The following UGT2B7 variants were observed in gnomAD, a reference collection of about 807,000 sequenced individuals.
The protein encoded by UGT2B7 is UDP-glucuronosyltransferase 2B7.
Under a neutral mutation model 51.9 loss-of-function variants are expected in UGT2B7, and 51 were observed. That is an observed-to-expected ratio of 0.98 (90% CI 0.78 to 1.24). UGT2B7 has a LOEUF of 1.24. Among genes scored for constraint, UGT2B7 ranks in the 50% most tolerant of loss-of-function variants. UGT2B7 has a pLI of 0.00. For missense variants in UGT2B7, 727 were observed against 628.4 expected (o/e 1.16, Z -1.68); for synonymous variants, 225 against 211.6 (o/e 1.06, Z -0.55).
chr4:69,063,803 T>C (rs1718410024), intron 1 of UGT2B7, among the ~76,000 whole-genome samples: 1 of 152,072 alleles, frequency 6.6e-6, no homozygotes, highest in South Asian at 2.1e-4. Context: ...AAAAGGTTGC[T>C]TAATGTTCCC....
In UGT2B7 at chr4:69,096,627, G is replaced by C; in HGVS notation, c.107G>C (p.Trp36Ser). ...VLVWAAEYSH[W>S]MNIKTILDEL... ...GTGTGGGCAGCAGAATACAGCCATTGGATGAATATAAAGACAATCCTGGAT... is the reference window on the plus strand; with the variant it reads ...GTGTGGGCAGCAGAATACAGCCATTCGATGAATATAAAGACAATCCTGGAT... The change falls in exon 1 of 6, where the codon TGG becomes TCG. Residue 36 changes from tryptophan (W) to serine (S), a missense_variant. Trp to Ser is a radical substitution (Grantham distance 177). Transcript: ENST00000305231. 6.2e-7 allele frequency: 1 copy of C among 1,613,994 alleles called. No homozygotes were observed. The highest frequency in any genetic ancestry group is 1.3e-5 in the African/African-American group (1 of 75,032).
chr4:69,060,987 A>G (rs971255375), intron 1 of UGT2B7, among the ~76,000 whole-genome samples: 4 of 152,180 alleles, frequency 2.6e-5, no homozygotes, highest in Admixed American at 6.5e-5. Context: ...GAGATCTGAC[A>G]GATCGGCCCC....
intron 3 of UGT2B7, among the ~76,000 whole-genome samples, chr4:69,106,562 A>T (rs1719606109): frequency 6.6e-6 from 1 of 152,098 alleles, no homozygotes; most frequent in Non-Finnish European, 1.5e-5. Flanking sequence ...CAATTAATAC[A>T]CCTGTGCATG....
At chr4:69,063,813 C>T (rs1043128817) in intron 1 of UGT2B7, among the ~76,000 whole-genome samples, 6 of 151,996 alleles carry the variant, frequency 3.9e-5, no homozygotes, top group Admixed American at 1.3e-4. Context: ...TTAATGTTCC[C>T]TTGCCTCTTA....
intron 1 of UGT2B7, among the ~76,000 whole-genome samples, chr4:69,071,560 A>C (rs550643185): frequency 2.0e-5 from 3 of 152,250 alleles, no homozygotes; most frequent in East Asian, 1.9e-4. Flanking sequence ...CTTCCATCTG[A>C]CAAGAGATGT....
At chr4:69,110,024 C>G (rs1282572487) in intron 5 of UGT2B7, among the ~76,000 whole-genome samples, 1 of 151,886 alleles carries the variant, frequency 6.6e-6, no homozygotes, top group East Asian at 1.9e-4. Context: ...TATGATTATA[C>G]AAATACTTTC....
At position 69,102,802 on chromosome 4, in the gene UGT2B7, C is replaced by T. The variant is rs1351824602; in HGVS notation, c.871-5C>T. Reference sequence around the variant, plus strand: ...TTTGTGATGAAGCAAATTCTTTCTTCACAGGAAATGGAAGACTTTGTACAG... The same window carrying T: ...TTTGTGATGAAGCAAATTCTTTCTTTACAGGAAATGGAAGACTTTGTACAG... On this transcript the variant is annotated splice_polypyrimidine_tract_variant and splice_region_variant and intron_variant, in intron 2 of 5. Transcript: ENST00000305231. 2 of 1,611,098 alleles carry T rather than the reference C, an allele frequency of 1.2e-6. No homozygotes were observed. Among genetic ancestry groups the T allele is most frequent in the Non-Finnish European group, 8.5e-7 (1 of 1,178,954 alleles).
In UGT2B7 at chr4:69,096,959, G is replaced by A. The variant is rs760454742; in HGVS notation, c.439G>A (p.Val147Ile). 3.7e-5 allele frequency: 60 copies of A among 1,613,440 alleles called. No individual in the cohort carries two copies. In the East Asian group the frequency reaches 6.7e-4, roughly 18 times the overall value. ...AAAAGTACAAGAGTCAAGATTTGACGTCATTTTTGCAGATGCTATTTTTCC... is the reference window on the plus strand; with the variant it reads ...AAAAGTACAAGAGTCAAGATTTGACATCATTTTTGCAGATGCTATTTTTCC... ...MKKVQESRFDVIFADAIFPCS... is the reference protein window; with the variant it reads ...MKKVQESRFDIIFADAIFPCS... The change falls in exon 1 of 6, where the codon GTC (valine) becomes ATC (isoleucine). Residue 147 changes from valine to isoleucine, a missense_variant. By Grantham distance (29) the Val-to-Ile change is conservative. Coordinates refer to ENST00000305231, the MANE Select transcript of UGT2B7 (RefSeq NM_001074.4).
intron 2 of UGT2B7, among the ~76,000 whole-genome samples, chr4:69,100,285 C>T (rs1373322786): frequency 6.6e-6 from 1 of 151,636 alleles, no homozygotes; most frequent in Non-Finnish European, 1.5e-5. Context: ...ATCTGAATGG[C>T]GCCCTTAGTT....
chr4:69,099,257 C>CAAAAAA (rs58121670), intron 2 of UGT2B7, among the ~76,000 whole-genome samples: 4 of 105,710 alleles, frequency 3.8e-5, no homozygotes, highest in Admixed American at 9.5e-5. Context: ...GAGAGACAGA[C>CAAAAAA]AAAAAAAAAA....
intron 2 of UGT2B7, 63 bp downstream of exon 2, chr4:69,098,751 A>T: frequency 6.3e-7 from 1 of 1,592,528 alleles, no homozygotes; most frequent in Non-Finnish European, 8.5e-7. Context: ...ATGATTCTAT[A>T]GTCTTCTTTC....
chr4:69,103,228 T>G (rs567811060), intron 3 of UGT2B7, among the ~76,000 whole-genome samples: 3 of 152,154 alleles, frequency 2.0e-5, no homozygotes, highest in South Asian at 4.1e-4. Flanking sequence ...CCATAAAATT[T>G]TGAATTGTGT....
chr4:69,078,627 T>C (rs1718769535), intron 1 of UGT2B7, among the ~76,000 whole-genome samples: 1 of 152,170 alleles, frequency 6.6e-6, no homozygotes, highest in Non-Finnish European at 1.5e-5. Flanking sequence ...TTTTGTTAAA[T>C]GTTCTGGCCA....
upstream of UGT2B7, among the ~76,000 whole-genome samples, chr4:69,093,103 C>G (rs965934190): frequency 6.6e-6 from 1 of 152,076 alleles, no homozygotes; most frequent in Non-Finnish European, 1.5e-5. Flanking sequence ...TCTGTGAGCT[C>G]TGTCCCAGGG....
At chr4:69,073,151 AT>A (rs1357162059) in intron 1 of UGT2B7, among the ~76,000 whole-genome samples, 5 of 152,112 alleles carry the variant, frequency 3.3e-5, no homozygotes, top group African/African-American at 1.2e-4. Context: ...GAGTTTTGTG[AT>A]GCTGAGCCCA....
chr4:69,082,240 A>G (rs1261186043), intron 1 of UGT2B7, among the ~76,000 whole-genome samples: 1 of 152,006 alleles, frequency 6.6e-6, no homozygotes, highest in Non-Finnish European at 1.5e-5. Flanking sequence ...TAAGCCAGTT[A>G]ATAAACTTAC....
intron 2 of UGT2B7, among the ~76,000 whole-genome samples, chr4:69,101,513 A>G (rs1719417008): frequency 6.6e-6 from 1 of 152,166 alleles, no homozygotes; most frequent in South Asian, 2.1e-4. Context: ...CAAGCTAGTG[A>G]GATGAAACAC....
At chr4:69,107,648 T>G (rs1719643780) in intron 4 of UGT2B7, among the ~76,000 whole-genome samples, 1 of 152,180 alleles carries the variant, frequency 6.6e-6, no homozygotes, top group Non-Finnish European at 1.5e-5. Flanking sequence ...CTGTATTTTC[T>G]GAAGAATTAA....
Position 69,102,888 on chromosome 4 carries a change from G to C in UGT2B7, c.952G>C (p.Glu318Gln). ...SLGSMVSNMT[E>Q]ERANVIASAL... The stretch of plus-strand genomic sequence containing the variant: ...GGGGTCAATGGTCAGTAACATGACA[G>C]AAGAAAGGGCCAACGTAATTGCATC... The change falls in exon 3 of 6, where the codon GAA (glutamate) becomes CAA (glutamine). Residue 318 changes from glutamate (E) to glutamine (Q), a missense_variant. Physicochemically the swap from Glu to Gln is conservative, Grantham distance 29. Transcript: ENST00000305231. 1 of 1,613,674 alleles carries C rather than the reference G, an allele frequency of 6.2e-7. No individual in the cohort carries two copies. Among genetic ancestry groups the C allele is most frequent in the Non-Finnish European group, 8.5e-7 (1 of 1,179,742 alleles).
Sources: gnomAD v4.1 joint callset for allele counts (sites outside exome capture counted in the v4.1 genomes callset) on GRCh38, gnomAD v4.1.1 for gene constraint, MANE v1.5 for transcripts, NCBI Gene and HGNC (gene_info 2026-07-23, HGNC 2026-07-21) for gene names.